The following VANGL1 variants were observed in gnomAD, a reference collection of about 807,000 sequenced individuals.
VANGL1 encodes vang-like protein 1.
VANGL1 carries 18 observed loss-of-function variants against 48.4 expected under a neutral mutation model. The ratio of observed to expected loss-of-function variants is 0.37; its 90% CI spans 0.26 to 0.55. VANGL1 has a LOEUF of 0.55. Among genes scored for constraint, VANGL1 ranks in the 20% least tolerant of loss-of-function variants. VANGL1 has a pLI of 0.81. For missense variants in VANGL1, 667 were observed against 675.8 expected, an observed-to-expected ratio of 0.99 and a Z score of 0.14; for synonymous variants, 257 against 261.8, an observed-to-expected ratio of 0.98 and a Z score of 0.18.
At chr1:115,654,432 C>T (rs1275746942) in intron 2 of VANGL1, among the ~76,000 whole-genome samples, 2 of 146,920 alleles carry the variant, frequency 1.4e-5, no homozygotes, top group African/African-American at 2.6e-5. Flanking sequence ...CTGCTGACCC[C>T]GCCTAACTTT....
intron 1 of VANGL1, among the ~76,000 whole-genome samples, chr1:115,642,879 T>C (rs1033710579): frequency 1.1e-4 from 17 of 152,156 alleles, no homozygotes; most frequent in Admixed American, 2.0e-4. Context: ...CCTAGAGAAG[T>C]GTGAAGCTTT....
rs140442549 is a variant in VANGL1, at chr1:115,660,182, C to T, written c.204+409C>T. 7.0e-3 allele frequency among the ~76,000 whole-genome samples: 1,069 copies of T among 152,254 alleles called. 16 individuals carry two copies. The highest frequency in any genetic ancestry group is 0.024 in the African/African-American group (989 of 41,536). ...TAGAGCTATGCAGGAATTGAGAGGC[C>T]GCACGCTCAGATGCCTGGTAGAGAA... On this transcript the variant is annotated intron_variant, in intron 3 of 7. Transcript: ENST00000355485.
chr1:115,662,792 T>G lies in VANGL1; in HGVS notation c.205-869T>G, dbSNP rs183575078. 4.9e-3 allele frequency among the ~76,000 whole-genome samples: 736 copies of G among 151,492 alleles called. 2 individuals are homozygous for G. The highest frequency in any genetic ancestry group is 7.6e-3 in the Non-Finnish European group (517 of 67,802). On this transcript the variant is annotated intron_variant, in intron 3 of 7. Transcript: ENST00000355485. ...TTGTGAACATCATAAGGAGATTTTT[T>G]TTTTTTTTTTTTGAGACGGAGTCTC...
intron 1 of VANGL1, among the ~76,000 whole-genome samples, chr1:115,648,915 A>T (rs1175644621): frequency 6.6e-6 from 1 of 152,206 alleles, no homozygotes; most frequent in Non-Finnish European, 1.5e-5. Context: ...TTATGAATCT[A>T]GAAGAGAGTG....
chr1:115,652,711 A>G (rs956409612), intron 2 of VANGL1, among the ~76,000 whole-genome samples: 1 of 152,192 alleles, frequency 6.6e-6, no homozygotes, highest in Admixed American at 6.5e-5. Context: ...AAGCAGCCGA[A>G]TGCAGAGTGA....
rs551695255 is a variant in VANGL1, at chr1:115,695,861, A to T, written c.*4482A>T. On this transcript the variant is annotated 3_prime_UTR_variant, in exon 8 of 8. Coordinates refer to ENST00000355485, the MANE Select transcript of VANGL1 (RefSeq NM_138959.3). ...TGAAGTATGGTCTAAATGATTCGGCACTTCTGGATGTTGAGGAAGGACCTA... is the reference window on the plus strand; with the variant it reads ...TGAAGTATGGTCTAAATGATTCGGCTCTTCTGGATGTTGAGGAAGGACCTA... The T allele has an allele frequency of 6.6e-6, 1 of 152,316 alleles. No individual in the cohort carries two copies. Among genetic ancestry groups the T allele is most frequent in the South Asian group, 2.1e-4 (1 of 4,828 alleles). 9.4% of individuals were successfully genotyped at this position (152,316 alleles called of 1,614,324 possible).
At chr1:115,674,361 G>T (rs1238783733) in intron 4 of VANGL1, among the ~76,000 whole-genome samples, 1 of 152,160 alleles carries the variant, frequency 6.6e-6, no homozygotes, top group Admixed American at 6.5e-5. Context: ...CCCCTTGAAG[G>T]TTTCATTTAC....
rs762418245 is a variant in VANGL1 at position 115,656,939 on chromosome 1, C to T, written c.72-2702C>T. On this transcript the variant is annotated intron_variant, in intron 2 of 7. Coordinates refer to ENST00000355485, the MANE Select transcript of VANGL1 (RefSeq NM_138959.3). ...GTGAGCATGTGACTTGGCTGGTGGC[C>T]GAGAGAGTGATAAATGTGAGAGTAG... Among the ~76,000 whole-genome samples, 147 of 152,172 alleles carry T rather than the reference C, an allele frequency of 9.7e-4. 1 individual carries two copies. Among genetic ancestry groups the T allele is most frequent in the Non-Finnish European group, 8.2e-4 (56 of 68,004 alleles).
At chr1:115,681,500 G>GTTT (rs1267113664) in intron 4 of VANGL1, among the ~76,000 whole-genome samples, 21 of 96,320 alleles carry the variant, frequency 2.2e-4, no homozygotes, top group African/African-American at 7.5e-4. Flanking sequence ...TCTTTTTTTT[G>GTTT]TTGTTTTTTT....
chr1:115,662,852 T>C lies in VANGL1; in HGVS notation c.205-809T>C, dbSNP rs528808889. 9.9e-5 allele frequency among the ~76,000 whole-genome samples: 15 copies of C among 150,996 alleles called. No homozygotes were observed. The East Asian group carries it at 2.9e-3, about 30-fold the overall frequency. ...CCCAGGCTGGAGTACAGTGGCACGATCTCAGCTCACTGCAACCTCCGACTC... is the reference window on the plus strand; with the variant it reads ...CCCAGGCTGGAGTACAGTGGCACGACCTCAGCTCACTGCAACCTCCGACTC... On this transcript the variant is annotated intron_variant, in intron 3 of 7. Transcript: ENST00000355485.
intron 4 of VANGL1, among the ~76,000 whole-genome samples, chr1:115,673,844 C>G (rs1229834596): frequency 6.6e-6 from 1 of 152,094 alleles, no homozygotes; most frequent in Admixed American, 6.5e-5. Flanking sequence ...AAATGATCTG[C>G]CTGTGTCGGC....
intron 4 of VANGL1, among the ~76,000 whole-genome samples, chr1:115,666,542 C>G (rs1243185901): frequency 6.6e-6 from 1 of 152,218 alleles, no homozygotes; most frequent in Non-Finnish European, 1.5e-5. Context: ...ACCTTTCAGT[C>G]TGCTCTTACC....
At chr1:115,665,257 T>C (rs1370079130) in intron 4 of VANGL1, among the ~76,000 whole-genome samples, 1 of 152,238 alleles carries the variant, frequency 6.6e-6, no homozygotes, top group Non-Finnish European at 1.5e-5. Flanking sequence ...TGGCTTGCAC[T>C]GAGATGTTCT....
At position 115,697,636 on chromosome 1, in the gene VANGL1, G is replaced by A. The variant is rs1420528513; in HGVS notation, c.*6257G>A. The A allele has an allele frequency of 2.6e-5, 4 of 152,218 alleles. No homozygotes were observed. The highest frequency in any genetic ancestry group is 2.6e-4 in the Admixed American group (4 of 15,282). 9.4% of individuals were successfully genotyped at this position (152,218 alleles called of 1,614,324 possible). On this transcript the variant is annotated 3_prime_UTR_variant, in exon 8 of 8. Coordinates refer to ENST00000355485, the MANE Select transcript of VANGL1 (RefSeq NM_138959.3). ...GAACCAGAGAGGCCTGGGCCAGGCA[G>A]GTCTTATTTGAGAGGAGATTATTTG...
rs1653982051 is a variant in VANGL1, at chr1:115,694,964, G to A, written c.*3585G>A. On this transcript the variant is annotated 3_prime_UTR_variant, in exon 8 of 8. Coordinates refer to ENST00000355485, the MANE Select transcript of VANGL1 (RefSeq NM_138959.3). Reference sequence around the variant, plus strand: ...ACTTAATAACCCTGTGTTTTGAGAGGTCGCTCTAAACCAGTGACTTTTCCC... The same window carrying A: ...ACTTAATAACCCTGTGTTTTGAGAGATCGCTCTAAACCAGTGACTTTTCCC... The A allele has an allele frequency of 6.6e-6, 1 of 152,134 alleles. No homozygotes were observed. The highest frequency in any genetic ancestry group is 6.5e-5 in the Admixed American group (1 of 15,274). The allele number at this position is 152,134 out of a possible 1,614,324, so 9.4% of individuals were successfully genotyped here. A position where few individuals can be genotyped will look rare whatever the true frequency, so the allele number is the denominator to read the frequency against.
In VANGL1 at chr1:115,643,435, A is replaced by G. The variant is rs1445176800; in HGVS notation, c.-138+1349A>G. Among the ~76,000 whole-genome samples the G allele has an allele frequency of 2.6e-5, 4 of 152,334 alleles. No homozygotes were observed. In the East Asian group the frequency reaches 7.7e-4, roughly 29 times the overall value. On this transcript the variant is annotated intron_variant, in intron 1 of 7. Coordinates refer to ENST00000355485, the MANE Select transcript of VANGL1 (RefSeq NM_138959.3). The stretch of plus-strand genomic sequence containing the variant: ...GAGTTTTTAGGGTTGAATTAAATCA[A>G]TGTGATATAGTTGGGGCTTTGATTT...
At position 115,651,360 on chromosome 1, in the gene VANGL1, C is replaced by A; in HGVS notation, c.-54C>A. On this transcript the variant is annotated 5_prime_UTR_variant, in exon 2 of 8. Coordinates refer to ENST00000355485, the MANE Select transcript of VANGL1 (RefSeq NM_138959.3). The stretch of plus-strand genomic sequence containing the variant: ...GGAGTCTGGTAGGTGAAATTTTCTA[C>A]CTCTAAGGAGAAACAGTACCTGCTC... The A allele has an allele frequency of 6.4e-7, 1 of 1,556,212 alleles. No homozygotes were observed. The highest frequency in any genetic ancestry group is 8.8e-7 in the Non-Finnish European group (1 of 1,131,130).
Position 115,696,083 on chromosome 1 carries a change from C to G in VANGL1, c.*4704C>G, listed in dbSNP as rs1218439508. The G allele has an allele frequency of 6.6e-6, 1 of 152,374 alleles. No homozygotes were observed. The highest frequency in any genetic ancestry group is 2.4e-5 in the African/African-American group (1 of 41,482). 9.4% of individuals were successfully genotyped at this position (152,374 alleles called of 1,614,324 possible). On this transcript the variant is annotated 3_prime_UTR_variant, in exon 8 of 8. Coordinates refer to ENST00000355485, the MANE Select transcript of VANGL1 (RefSeq NM_138959.3). Reference sequence around the variant, plus strand: ...TTCAGTGTTAACACCTGCTGCAAGACAGGGATGCTGTTGTTCTGGCAGCCC... The same window carrying G: ...TTCAGTGTTAACACCTGCTGCAAGAGAGGGATGCTGTTGTTCTGGCAGCCC...
At position 115,691,430 on chromosome 1, in the gene VANGL1, G is replaced by GAT. The variant is rs1222287600; in HGVS notation, c.*58_*59dup. On this transcript the variant is annotated 3_prime_UTR_variant, in exon 8 of 8. Transcript: ENST00000355485. ...AAAAAAAAAGAAAAATATATAGAGA[G>GAT]ATATATATCTATGCCAGAGGGGTGT... The GAT allele has an allele frequency of 3.9e-6, 6 of 1,542,714 alleles. No homozygotes were observed. The highest frequency in any genetic ancestry group is 1.8e-4 in the Middle Eastern group (1 of 5,434).
Sources: allele counts gnomAD v4.1 joint callset (sites outside exome capture counted in the v4.1 genomes callset), GRCh38; gene constraint gnomAD v4.1.1; transcripts MANE v1.5; gene names NCBI Gene and HGNC (gene_info 2026-07-23, HGNC 2026-07-21).